SGCZ: variants seen among roughly 807,000 people sequenced by gnomAD.
The protein encoded by SGCZ is sarcoglycan zeta, also known as zeta-sarcoglycan.
SGCZ carries 40 observed loss-of-function variants against 41.3 expected under a neutral mutation model. That is an observed-to-expected ratio of 0.97 (90% CI 0.75 to 1.26). SGCZ has a LOEUF of 1.26. Among genes scored for constraint, SGCZ ranks in the 50% most tolerant of loss-of-function variants. The pLI, the probability that SGCZ is intolerant of heterozygous loss-of-function variation, is 0.00. For synonymous variants in SGCZ, 206 were observed against 137.5 expected (o/e 1.50, Z -3.49); for missense variants, 552 against 369.8 (o/e 1.49, Z -4.04).
chr8:14,240,611 T>C (rs1166232153), intron 3 of SGCZ, among the ~76,000 whole-genome samples: 1 of 152,002 alleles, frequency 6.6e-6, no homozygotes, highest in Non-Finnish European at 1.5e-5. Context: ...TTATTCTCTA[T>C]GCTGTGTTCC....
In SGCZ at chr8:15,021,977, A is replaced by G. The variant is rs181224567; in HGVS notation, c.39+215608T>C. ...GACCCAATTTTATGGAAATAACATA[A>G]ATAGAAACATAACCTTGTGCATAAA... On this transcript the variant is annotated intron_variant, in intron 1 of 7. Coordinates refer to ENST00000382080, the MANE Select transcript of SGCZ (RefSeq NM_139167.4). Among the ~76,000 whole-genome samples the G allele has an allele frequency of 3.7e-3, 570 of 152,322 alleles. 1 individual carries two copies. The highest frequency in any genetic ancestry group is 6.8e-3 in the Middle Eastern group (2 of 292).
chr8:15,014,214 T>C (rs1362805696), intron 1 of SGCZ, among the ~76,000 whole-genome samples: 1 of 152,168 alleles, frequency 6.6e-6, no homozygotes, highest in Non-Finnish European at 1.5e-5. Context: ...CAGGATATGC[T>C]GGAATGACGC....
intron 2 of SGCZ, among the ~76,000 whole-genome samples, chr8:14,447,773 C>A (rs1800474932): frequency 6.6e-6 from 1 of 152,132 alleles, no homozygotes; most frequent in Admixed American, 6.5e-5. Flanking sequence ...TTTATCTCGG[C>A]AATGCTTTGA....
At chr8:14,120,965 G>T (rs1050140312) in intron 5 of SGCZ, among the ~76,000 whole-genome samples, 2 of 152,162 alleles carry the variant, frequency 1.3e-5, no homozygotes, top group South Asian at 4.1e-4. Flanking sequence ...GGAATAATAA[G>T]GCAATCTGAA....
chr8:15,175,399 G>A (rs1432846944), intron 1 of SGCZ, among the ~76,000 whole-genome samples: 2 of 151,994 alleles, frequency 1.3e-5, no homozygotes, highest in African/African-American at 4.8e-5. Context: ...CATGGATGGA[G>A]CTGGAGGCCA....
chr8:14,746,444 G>T (rs1021912241), intron 1 of SGCZ, among the ~76,000 whole-genome samples: 1 of 152,096 alleles, frequency 6.6e-6, no homozygotes, highest in Non-Finnish European at 1.5e-5. Flanking sequence ...TTCAGTATAA[G>T]TTGGAGGTGC....
intron 1 of SGCZ, among the ~76,000 whole-genome samples, chr8:14,965,426 G>A (rs894788083): frequency 6.6e-6 from 1 of 152,066 alleles, no homozygotes; most frequent in African/African-American, 2.4e-5. Context: ...AAAGATGAGT[G>A]AGAAAACACA....
intron 1 of SGCZ, among the ~76,000 whole-genome samples, chr8:14,799,964 G>C (rs1469424448): frequency 6.6e-6 from 1 of 152,118 alleles, no homozygotes; most frequent in Non-Finnish European, 1.5e-5. Flanking sequence ...TTTGTAAAAA[G>C]TATTTTCTTA....
chr8:14,670,957 C>G (rs562785721), intron 1 of SGCZ, among the ~76,000 whole-genome samples: 1 of 152,288 alleles, frequency 6.6e-6, no homozygotes, highest in East Asian at 1.9e-4. Flanking sequence ...AGCTATCACT[C>G]AAAGAAAGAA....
At chr8:14,212,651 C>G (rs775951240) in intron 4 of SGCZ, among the ~76,000 whole-genome samples, 3 of 151,870 alleles carry the variant, frequency 2.0e-5, no homozygotes, top group Non-Finnish European at 4.4e-5. Flanking sequence ...GTCCAAGATG[C>G]AATTTAAAAT....
At chr8:14,999,709 C>T (rs1396722661) in intron 1 of SGCZ, among the ~76,000 whole-genome samples, 1 of 152,168 alleles carries the variant, frequency 6.6e-6, no homozygotes, top group Non-Finnish European at 1.5e-5. Flanking sequence ...CATAGCCTAA[C>T]AATCTTCAGT....
chr8:14,406,428 G>A (rs960862106), intron 2 of SGCZ, among the ~76,000 whole-genome samples: 5 of 152,014 alleles, frequency 3.3e-5, no homozygotes, highest in Admixed American at 6.6e-5. Context: ...TGTAAATTTC[G>A]TGAGAAGGGG....
chr8:14,406,879 C>T (rs193293010), intron 2 of SGCZ, among the ~76,000 whole-genome samples: 5 of 152,174 alleles, frequency 3.3e-5, no homozygotes, highest in South Asian at 2.1e-4. Context: ...AGCCTCCTTT[C>T]GCAAGGAGCT....
chr8:14,407,831 A>G (rs983271835), intron 2 of SGCZ, among the ~76,000 whole-genome samples: 6 of 152,144 alleles, frequency 3.9e-5, no homozygotes, highest in Admixed American at 1.3e-4. Flanking sequence ...CATTCTTTCC[A>G]AAGTAGCTCC....
intron 5 of SGCZ, among the ~76,000 whole-genome samples, chr8:14,116,189 T>G (rs1374889725): frequency 1.3e-5 from 2 of 152,076 alleles, no homozygotes; most frequent in Non-Finnish European, 2.9e-5. Context: ...TCTACAAATA[T>G]TTTTTACTCT....
At chr8:14,756,073 T>C (rs2130336130) in intron 1 of SGCZ, among the ~76,000 whole-genome samples, 1 of 152,190 alleles carries the variant, frequency 6.6e-6, no homozygotes, top group Admixed American at 6.5e-5. Flanking sequence ...CATGGTCAGA[T>C]TTCAGCAGCT....
At chr8:15,236,910 G>T (rs1237498064) in intron 1 of SGCZ, among the ~76,000 whole-genome samples, 1 of 152,014 alleles carries the variant, frequency 6.6e-6, no homozygotes, top group Non-Finnish European at 1.5e-5. Context: ...CCGCCTCCCC[G>T]CCCCCTGCCC....
rs186277620 is a variant in SGCZ, at chr8:14,411,064, C to G, written c.235-86860G>C. The stretch of plus-strand genomic sequence containing the variant: ...AGAAATATTTTAAAAAGCTAAAGAA[C>G]ATTTAGATAGTAAACAACTCTACTA... On this transcript the variant is annotated intron_variant, in intron 2 of 7. Coordinates refer to ENST00000382080, the MANE Select transcript of SGCZ (RefSeq NM_139167.4). Among the ~76,000 whole-genome samples the G allele has an allele frequency of 1.2e-4, 18 of 152,092 alleles. No homozygotes were observed. The East Asian group carries it at 3.3e-3, about 28-fold the overall frequency.
At chr8:14,190,019 T>TTTTTG (rs1210243902) in intron 4 of SGCZ, among the ~76,000 whole-genome samples, 1 of 139,392 alleles carries the variant, frequency 7.2e-6, no homozygotes, top group Non-Finnish European at 1.5e-5. Context: ...TCTTTCTTTT[T>TTTTTG]TTTTTTTTTT....
Sources: allele counts gnomAD v4.1 joint callset (sites outside exome capture counted in the v4.1 genomes callset), GRCh38; gene constraint gnomAD v4.1.1; transcripts MANE v1.5; gene names NCBI Gene and HGNC (gene_info 2026-07-23, HGNC 2026-07-21).